The following CTIF variants were observed in gnomAD, a reference collection of about 807,000 sequenced individuals.
CTIF encodes cap binding complex dependent translation initiation factor.
Under a neutral mutation model 66.0 loss-of-function variants are expected in CTIF, and 21 were observed. The ratio of observed to expected loss-of-function variants is 0.32; its 90% CI spans 0.23 to 0.46. CTIF has a LOEUF of 0.46. Among genes scored for constraint, CTIF ranks in the 20% least tolerant of loss-of-function variants. The probability of loss-of-function intolerance (pLI) is 1.00; values close to 1 mark genes in which losing one functional copy is unlikely to be tolerated. For synonymous variants in CTIF, 345 were observed against 326.4 expected (o/e 1.06, Z -0.62); for missense variants, 739 against 812.7 (o/e 0.91, Z 1.10).
rs2069407194 is a variant in CTIF, at chr18:48,859,423, T to C, written c.1661T>C (p.Met554Thr). Reference sequence around the variant, plus strand: ...CTCCTGGCCAGCGCACGGGACAAGATGCTGTGCCCCTCGGAGTCCATGCTG... The same window carrying C: ...CTCCTGGCCAGCGCACGGGACAAGACGCTGTGCCCCTCGGAGTCCATGCTG... ...TELLASARDK[M>T]LCPSESMLTR... The change falls in exon 12 of 12, where the codon ATG becomes ACG. Residue 554 changes from methionine to threonine, a missense_variant. Physicochemically the swap from Met to Thr is moderately conservative, Grantham distance 81. Around this residue, in one of 2 missense-constraint regions of CTIF, gnomAD observed 210 missense variants for 292.3 expected, o/e 0.72. Coordinates refer to ENST00000256413, the MANE Select transcript of CTIF (RefSeq NM_014772.3). 6.2e-7 allele frequency: 1 copy of C among 1,614,016 alleles called. No individual in the cohort carries two copies. Among genetic ancestry groups the C allele is most frequent in the Non-Finnish European group, 8.5e-7 (1 of 1,180,036 alleles).
At chr18:48,740,599 G>A (rs2092545211) in intron 7 of CTIF, among the ~76,000 whole-genome samples, 1 of 152,186 alleles carries the variant, frequency 6.6e-6, no homozygotes, top group Admixed American at 6.5e-5. Context: ...TATGCCTGAG[G>A]ACCAGGAGCA....
Position 48,862,677 on chromosome 18 carries a change from A to ATTAT in CTIF, c.*3121_*3124dup, listed in dbSNP as rs975888843. The ATTAT allele has an allele frequency of 4.0e-5, 6 of 150,054 alleles. No homozygotes were observed. The highest frequency in any genetic ancestry group is 1.0e-4 in the African/African-American group (4 of 39,282). The allele number at this position is 150,054 out of a possible 1,614,324, so 9.3% of individuals were successfully genotyped here. ...TTCTGATTGATTTTTATTTTATTCT[A>ATTAT]TTATTTTCTCCGAGGGATGAGGGTG... On this transcript the variant is annotated 3_prime_UTR_variant, in exon 12 of 12. Coordinates refer to ENST00000256413, the MANE Select transcript of CTIF (RefSeq NM_014772.3).
At chr18:48,695,060 T>G (rs1276587072) in intron 6 of CTIF, among the ~76,000 whole-genome samples, 1 of 152,362 alleles carries the variant, frequency 6.6e-6, no homozygotes, top group Admixed American at 6.5e-5. Context: ...ATTATCTTCT[T>G]CTGGTACTGA....
chr18:48,858,861 C>T (rs994123574), intron 11 of CTIF, among the ~76,000 whole-genome samples: 53 of 152,294 alleles, frequency 3.5e-4, no homozygotes, highest in African/African-American at 1.3e-3. Flanking sequence ...GCGAGAGAAA[C>T]AGGAGGCATC....
At chr18:48,747,452 G>A (rs1158479676) in intron 7 of CTIF, among the ~76,000 whole-genome samples, 1 of 152,208 alleles carries the variant, frequency 6.6e-6, no homozygotes, top group Non-Finnish European at 1.5e-5. Flanking sequence ...AGCCAACAGG[G>A]TGGCGGCCCA....
At chr18:48,718,596 C>T (rs1032012024) in intron 7 of CTIF, among the ~76,000 whole-genome samples, 1 of 152,138 alleles carries the variant, frequency 6.6e-6, no homozygotes, top group Non-Finnish European at 1.5e-5. Context: ...AGTCACCCCT[C>T]CTCTGCCTTT....
In CTIF at chr18:48,761,333, C is replaced by A; in HGVS notation, c.1072-57C>A. On this transcript the variant is annotated intron_variant, in intron 8 of 11. Transcript: ENST00000256413. The surrounding 1 kb of genome is among the most constrained non-coding windows in gnomAD (Gnocchi z 4.2). Reference sequence around the variant, plus strand: ...GCCACCCTCTTTCCACCAGGCCACCCCTGCACAGAGACCTCGGCTTCACTC... The same window carrying A: ...GCCACCCTCTTTCCACCAGGCCACCACTGCACAGAGACCTCGGCTTCACTC... 1 of 1,560,012 alleles carries A rather than the reference C, an allele frequency of 6.4e-7. No individual in the cohort carries two copies.
intron 9 of CTIF, among the ~76,000 whole-genome samples, chr18:48,762,708 A>G (rs1598996410): frequency 6.6e-6 from 1 of 152,250 alleles, no homozygotes. Context: ...AAACTGCAAC[A>G]CTTGTGAAAG....
intron 1 of CTIF, among the ~76,000 whole-genome samples, chr18:48,612,915 G>A (rs1032514524): frequency 9.2e-5 from 14 of 152,174 alleles, no homozygotes; most frequent in African/African-American, 3.4e-4. Context: ...CCTCAGTGGG[G>A]TGTCAGAAGG....
intron 5 of CTIF, among the ~76,000 whole-genome samples, chr18:48,669,790 CATTTATATAT>C (rs1160217793): frequency 0.011 from 384 of 35,958 alleles, 36 homozygotes; most frequent in East Asian, 0.034. Context: ...ACAAGCTAAA[CATTTATATAT>C]ATATATATAT....
intron 6 of CTIF, among the ~76,000 whole-genome samples, chr18:48,696,372 G>A (rs886103342): frequency 6.6e-6 from 1 of 152,196 alleles, no homozygotes; most frequent in Non-Finnish European, 1.5e-5. Flanking sequence ...GGTGCTGACT[G>A]GGGTCACAGT....
chr18:48,741,281 C>T (rs964974120), intron 7 of CTIF, among the ~76,000 whole-genome samples: 11 of 39,266 alleles, frequency 2.8e-4, no homozygotes, highest in Admixed American at 2.2e-3. Context: ...TCTGCCCCCG[C>T]CCCCCCTCCT....
chr18:48,847,306 C>CAA (rs34326780), intron 10 of CTIF, among the ~76,000 whole-genome samples: 142 of 83,800 alleles, frequency 1.7e-3, no homozygotes, highest in African/African-American at 4.9e-3. Context: ...GACTCCGTCT[C>CAA]AAAAAAAAAA....
chr18:48,643,140 G>A (rs1361642597), intron 3 of CTIF, among the ~76,000 whole-genome samples: 1 of 152,136 alleles, frequency 6.6e-6, no homozygotes, highest in Non-Finnish European at 1.5e-5. Context: ...AATCCTTGAT[G>A]GAACTCAAGG....
chr18:48,563,933 G>A (rs1458389598), intron 1 of CTIF, among the ~76,000 whole-genome samples: 2 of 152,094 alleles, frequency 1.3e-5, no homozygotes, highest in Non-Finnish European at 2.9e-5. Context: ...ATCAGCACCA[G>A]TCCCCTACCC....
At chr18:48,844,564 C>T (rs548713105) in intron 10 of CTIF, among the ~76,000 whole-genome samples, 8 of 152,316 alleles carry the variant, frequency 5.3e-5, no homozygotes, top group Non-Finnish European at 1.0e-4. Context: ...GCGCCTGGTC[C>T]GCAGCTAGGG....
intron 9 of CTIF, among the ~76,000 whole-genome samples, chr18:48,813,392 A>G (rs867287876): frequency 6.6e-6 from 1 of 152,172 alleles, no homozygotes; most frequent in Non-Finnish European, 1.5e-5. Context: ...ACACATTTCC[A>G]TTAAGTTTTC....
At chr18:48,817,183 G>C (rs1471864494) in intron 9 of CTIF, 38 bp from the exon 10 acceptor site, 22 of 1,599,018 alleles carry the variant, frequency 1.4e-5, no homozygotes, top group Non-Finnish European at 1.8e-5. Flanking sequence ...CCCCTCCCCA[G>C]CCCCGGGAGG....
At chr18:48,690,017 CA>C (rs1237894411) in intron 6 of CTIF, among the ~76,000 whole-genome samples, 1 of 152,128 alleles carries the variant, frequency 6.6e-6, no homozygotes, top group African/African-American at 2.4e-5. Context: ...AACATTAGTT[CA>C]GTAGCTTCTG....
Sources: gnomAD v4.1 joint callset for allele counts (sites outside exome capture counted in the v4.1 genomes callset) on GRCh38, gnomAD v4.1.1 for gene constraint, gnomAD v4.1.1 regional missense constraint, Gnocchi (gnomAD v3.1) non-coding constraint, MANE v1.5 for transcripts, NCBI Gene and HGNC (gene_info 2026-07-23, HGNC 2026-07-21) for gene names.